POT1: variants seen among roughly 807,000 people sequenced by gnomAD.
POT1 encodes protection of telomeres 1.
Under a neutral mutation model 78.5 loss-of-function variants are expected in POT1, and 47 were observed. The observed-to-expected ratio is 0.60, with a 90% confidence interval of 0.47 to 0.76. The LOEUF is 0.76. Among genes scored for constraint, POT1 ranks in the 30% least tolerant of loss-of-function variants. The probability of loss-of-function intolerance (pLI) is 0.00; values close to 1 mark genes in which losing one functional copy is unlikely to be tolerated. For synonymous variants in POT1, 259 were observed against 260.7 expected (o/e 0.99, Z 0.06); for missense variants, 646 against 749.9 (o/e 0.86, Z 1.62).
At position 124,853,725 on chromosome 7, in the gene POT1, G is replaced by T. The variant is rs369025339; in HGVS notation, c.703-587C>A. Among the ~76,000 whole-genome samples, 7 of 150,906 alleles carry T rather than the reference G, an allele frequency of 4.6e-5. No individual in the cohort carries two copies. In the East Asian group the frequency reaches 1.2e-3, roughly 25 times the overall value. On this transcript the variant is annotated intron_variant, in intron 9 of 18. Coordinates refer to ENST00000357628, the MANE Select transcript of POT1 (RefSeq NM_015450.3). ...TGTGAAACACTCCTTGAGTTCAAAC[G>T]TAAGAGTTAACTAATTAGAGTTTTG...
chr7:124,865,971 A>C (rs7782340), intron 7 of POT1, among the ~76,000 whole-genome samples: 91,276 of 151,832 alleles, frequency 0.6, 27,564 homozygotes, highest in African/African-American at 0.65. Flanking sequence ...GTTTTCATGT[A>C]GAATATATCT....
chr7:124,836,196 T>C (rs528018591), intron 14 of POT1, among the ~76,000 whole-genome samples: 2 of 152,224 alleles, frequency 1.3e-5, no homozygotes, highest in South Asian at 4.2e-4. Context: ...TGGCAAAAAC[T>C]GTAAAACCTT....
chr7:124,868,224 G>T (rs781693059), intron 7 of POT1, among the ~76,000 whole-genome samples: 1 of 152,152 alleles, frequency 6.6e-6, no homozygotes, highest in African/African-American at 2.4e-5. Flanking sequence ...ACAACAGGGC[G>T]ATTCAAAGCT....
chr7:124,825,214 TA>T, intron 18 of POT1, 37 bp downstream of exon 18: 2 of 1,380,974 alleles, frequency 1.4e-6, no homozygotes, highest in Non-Finnish European at 2.0e-6. Context: ...CTATCTCAAG[TA>T]AAAGAAGTGT....
At chr7:124,902,654 G>A (rs1223008358) in intron 3 of POT1, among the ~76,000 whole-genome samples, 1 of 152,160 alleles carries the variant, frequency 6.6e-6, no homozygotes, top group Admixed American at 6.5e-5. Context: ...CATAATGGCA[G>A]GATCAAATTC....
rs184368447 is a variant in POT1 at position 124,844,978 on chromosome 7, C to G, written c.1006+1964G>C. On this transcript the variant is annotated intron_variant, in intron 12 of 18. Coordinates refer to ENST00000357628, the MANE Select transcript of POT1 (RefSeq NM_015450.3). ...CATTTATCATTGTCACTGTGCCTGT[C>G]TTTATCTGTCTCTCACCACATAAAT... 2.6e-5 allele frequency among the ~76,000 whole-genome samples: 4 copies of G among 152,242 alleles called. No individual in the cohort carries two copies. The East Asian group carries it at 7.7e-4, about 29-fold the overall frequency.
chr7:124,861,854 A>G (rs1229080503), intron 8 of POT1, among the ~76,000 whole-genome samples: 1 of 152,198 alleles, frequency 6.6e-6, no homozygotes, highest in East Asian at 1.9e-4. Context: ...CACTTATTAA[A>G]TAGGGAATCC....
intron 9 of POT1, among the ~76,000 whole-genome samples, chr7:124,856,165 G>A (rs1584767899): frequency 1.3e-5 from 2 of 152,070 alleles, no homozygotes; most frequent in African/African-American, 4.8e-5. Context: ...AAAGTCTTTC[G>A]TACTGGTTCC....
intron 3 of POT1, among the ~76,000 whole-genome samples, chr7:124,906,478 G>A (rs60678110): frequency 0.33 from 43,274 of 132,192 alleles, 6,910 homozygotes; most frequent in South Asian, 0.42. Flanking sequence ...ATCACACACC[G>A]GGGCTTGTCG....
chr7:124,879,029 G>A (rs1218339184), intron 6 of POT1, among the ~76,000 whole-genome samples: 1 of 151,916 alleles, frequency 6.6e-6, no homozygotes, highest in Admixed American at 6.6e-5. Flanking sequence ...AAATTTAAAA[G>A]GAATTATATT....
intron 14 of POT1, chr7:124,837,193 G>C (rs1794919257): frequency 3.3e-6 from 1 of 304,198 alleles, no homozygotes. Flanking sequence ...TTTACAAAGG[G>C]GATATATCCA....
intron 6 of POT1, among the ~76,000 whole-genome samples, chr7:124,871,647 AG>A (rs1795871912): frequency 6.6e-6 from 1 of 152,080 alleles, no homozygotes; most frequent in African/African-American, 2.4e-5. Flanking sequence ...TTAAACTGGT[AG>A]AAAAATTTAA....
chr7:124,909,761 T>C (rs1796848233), intron 3 of POT1, among the ~76,000 whole-genome samples: 1 of 151,934 alleles, frequency 6.6e-6, no homozygotes, highest in African/African-American at 2.4e-5. Flanking sequence ...AAAACACTAA[T>C]ACCTAATGTA....
At chr7:124,922,698 C>T (rs923028695) in intron 2 of POT1, among the ~76,000 whole-genome samples, 27 of 151,684 alleles carry the variant, frequency 1.8e-4, no homozygotes, top group Non-Finnish European at 3.1e-4. Context: ...AAATATTTAA[C>T]CCAAAAGAAC....
At chr7:124,842,751 G>T in intron 13 of POT1, 56 bp downstream of exon 13, 1 of 1,431,670 alleles carries the variant, frequency 7.0e-7, no homozygotes, top group Non-Finnish European at 9.5e-7. Flanking sequence ...ATACATATGT[G>T]TACATATACA....
intron 8 of POT1, among the ~76,000 whole-genome samples, chr7:124,860,370 T>C (rs1795560932): frequency 6.6e-6 from 1 of 152,206 alleles, no homozygotes; most frequent in Non-Finnish European, 1.5e-5. Context: ...TATTTTATGG[T>C]CATCCTACAT....
intron 6 of POT1, among the ~76,000 whole-genome samples, chr7:124,874,303 T>G (rs1795936962): frequency 6.6e-6 from 1 of 152,102 alleles, no homozygotes; most frequent in Non-Finnish European, 1.5e-5. Context: ...ACAAGTACTA[T>G]TAGTCACTAT....
chr7:124,835,311 T>C lies in POT1; in HGVS notation c.1473A>G (p.Pro491=), dbSNP rs1307654827. The change falls in exon 15 of 19, where the codon CCA becomes CCG. Residue 491 remains proline, a synonymous_variant. Transcript: ENST00000357628. ...GATGTATTGTTCCTTGTATAAGAAA[T>C]GGTGCTGAAAGGTCCAAAAGTTCCA... is the stretch of plus-strand genomic sequence containing the variant. ...EDLELLDLSA[P]FLIQGTIHHY... 6.2e-7 allele frequency: 1 copy of C among 1,613,830 alleles called. No individual in the cohort carries two copies. Among genetic ancestry groups the C allele is most frequent in the East Asian group, 2.2e-5 (1 of 44,880 alleles).
intron 15 of POT1, among the ~76,000 whole-genome samples, chr7:124,833,231 T>A (rs976004685): frequency 3.3e-5 from 5 of 152,156 alleles, no homozygotes; most frequent in Non-Finnish European, 7.4e-5. Flanking sequence ...ACACTTTCGC[T>A]TTATGGCTAA....
Sources: allele counts gnomAD v4.1 joint callset (sites outside exome capture counted in the v4.1 genomes callset), GRCh38; gene constraint gnomAD v4.1.1; transcripts MANE v1.5; gene names NCBI Gene and HGNC (gene_info 2026-07-23, HGNC 2026-07-21).